The following IPO11 variants were observed in gnomAD, a reference collection of about 807,000 sequenced individuals.
IPO11 encodes the protein importin-11.
Under a neutral mutation model 143.2 loss-of-function variants are expected in IPO11, and 66 were observed. The observed-to-expected ratio is 0.46, with a 90% CI of 0.38 to 0.57. IPO11 has a LOEUF of 0.57. Ranked by LOEUF, IPO11 falls within the 20% of genes least tolerant of loss-of-function variation. The pLI, the probability that IPO11 is intolerant of heterozygous loss-of-function variation, is 0.00. For synonymous variants in IPO11, 385 were observed against 377.8 expected (o/e 1.02, Z -0.22); for missense variants, 1,026 against 1,141.0 (o/e 0.90, Z 1.45).
intron 7 of IPO11, among the ~76,000 whole-genome samples, chr5:62,474,211 G>A (rs750648596): frequency 1.3e-5 from 2 of 152,170 alleles, no homozygotes; most frequent in African/African-American, 2.4e-5. Context: ...ATGAGATATT[G>A]AAGGGATGAA....
chr5:62,422,098 T>G (rs1444707549), intron 1 of IPO11, among the ~76,000 whole-genome samples: 1 of 152,154 alleles, frequency 6.6e-6, no homozygotes, highest in Non-Finnish European at 1.5e-5. Context: ...AGCTTTTCCT[T>G]CCTATTTTTT....
chr5:62,463,307 A>G (rs977127832), intron 5 of IPO11, among the ~76,000 whole-genome samples: 3 of 152,000 alleles, frequency 2.0e-5, no homozygotes, highest in Non-Finnish European at 4.4e-5. Context: ...TAGCCTCCCA[A>G]AGTGCTAGGA....
At position 62,583,784 on chromosome 5, in the gene IPO11, G is replaced by A. The variant is rs1451650659; in HGVS notation, c.2583-7793G>A. ...TTGGGTACAATTTCTGTATTTCATT[G>A]TTTCACATTTTGAGCAGCCCTAAGT... On this transcript the variant is annotated intron_variant, in intron 27 of 29. Coordinates refer to ENST00000325324, the MANE Select transcript of IPO11 (RefSeq NM_016338.5). Among the ~76,000 whole-genome samples the A allele has an allele frequency of 4.6e-5, 7 of 152,042 alleles. No individual in the cohort carries two copies. The East Asian group carries it at 5.8e-4, about 13-fold the overall frequency.
intron 8 of IPO11, among the ~76,000 whole-genome samples, chr5:62,474,725 A>G (rs922132612): frequency 3.9e-5 from 6 of 152,180 alleles, no homozygotes; most frequent in Admixed American, 1.3e-4. Context: ...CTTTTGCCTC[A>G]TATACAGAAG....
intron 16 of IPO11, among the ~76,000 whole-genome samples, chr5:62,495,035 A>G (rs1199983097): frequency 1.3e-5 from 2 of 152,240 alleles, no homozygotes; most frequent in African/African-American, 4.8e-5. Context: ...AGTGTTCACT[A>G]AAGGAAAGCT....
intron 13 of IPO11, among the ~76,000 whole-genome samples, 184 bp from the exon 14 acceptor site, chr5:62,489,118 G>T (rs954862442): frequency 6.6e-6 from 1 of 152,146 alleles, no homozygotes. Context: ...TTTTAATCCT[G>T]TGTTCTCTAA....
chr5:62,529,809 C>G (rs1047844956), intron 21 of IPO11, among the ~76,000 whole-genome samples: 1 of 151,968 alleles, frequency 6.6e-6, no homozygotes, highest in African/African-American at 2.4e-5. Flanking sequence ...CAAAACAGTC[C>G]TTGTTTTGAG....
intron 28 of IPO11, among the ~76,000 whole-genome samples, chr5:62,596,694 G>A (rs1022789654): frequency 1.3e-5 from 2 of 152,146 alleles, no homozygotes; most frequent in African/African-American, 2.4e-5. Flanking sequence ...TCTGACATCT[G>A]TATATTATCT....
At chr5:62,513,054 G>C (rs1741822664) in intron 19 of IPO11, among the ~76,000 whole-genome samples, 1 of 150,224 alleles carries the variant, frequency 6.7e-6, no homozygotes, top group South Asian at 2.1e-4. Flanking sequence ...TTCTATTCCA[G>C]AAAACCGCCA....
chr5:62,530,751 G>A lies in IPO11; in HGVS notation c.2055G>A (p.Leu685=). Residue 685 remains leucine, a synonymous_variant, in exon 22 of 30, where the codon TTG becomes TTA. Transcript: ENST00000325324. The part of the protein sequence containing the change: ...LENSPCITPE[L]LRIFQNMSPL... ...ACAGTCCATGTATTACACCAGAGTTGCTTCGTATATTTCAGAATATGTCAC... is the reference window on the plus strand; with the variant it reads ...ACAGTCCATGTATTACACCAGAGTTACTTCGTATATTTCAGAATATGTCAC... The A allele has an allele frequency of 6.2e-7, 1 of 1,612,946 alleles. No individual in the cohort carries two copies. The highest frequency in any genetic ancestry group is 8.5e-7 in the Non-Finnish European group (1 of 1,179,276).
chr5:62,426,587 A>C (rs1743751472), intron 1 of IPO11, among the ~76,000 whole-genome samples: 1 of 152,148 alleles, frequency 6.6e-6, no homozygotes, highest in South Asian at 2.1e-4. Context: ...AAGAGAAATA[A>C]AGCAAATATC....
chr5:62,581,487 T>A, intron 27 of IPO11: 1 of 547,112 alleles, frequency 1.8e-6, no homozygotes, highest in East Asian at 3.3e-5. Flanking sequence ...TTTTCTTTGA[T>A]ATATACTGTA....
intron 25 of IPO11, 150 bp from the exon 26 acceptor site, chr5:62,551,073 A>C (rs548945072): frequency 2.5e-6 from 1 of 404,890 alleles, no homozygotes; most frequent in East Asian, 3.6e-5. Flanking sequence ...TTAGTAAGTT[A>C]GAACTCAGGC....
intron 15 of IPO11, among the ~76,000 whole-genome samples, chr5:62,492,813 A>G (rs1268496004): frequency 6.6e-6 from 1 of 152,124 alleles, no homozygotes; most frequent in African/African-American, 2.4e-5. Flanking sequence ...CTGGGATTAC[A>G]GGTGTAAGCC....
chr5:62,617,034 T>A (rs1028371469), intron 29 of IPO11, among the ~76,000 whole-genome samples: 6 of 152,198 alleles, frequency 3.9e-5, no homozygotes, highest in Admixed American at 2.6e-4. Flanking sequence ...GTCCTTCACC[T>A]GATACTTGAC....
chr5:62,459,180 C>T (rs567411816), intron 5 of IPO11, among the ~76,000 whole-genome samples: 2 of 151,916 alleles, frequency 1.3e-5, no homozygotes, highest in Non-Finnish European at 2.9e-5. Context: ...TGAAGAGAGG[C>T]GTAAGGCTGT....
intron 16 of IPO11, among the ~76,000 whole-genome samples, chr5:62,497,222 C>G (rs1312144916): frequency 6.6e-6 from 1 of 151,838 alleles, no homozygotes; most frequent in Non-Finnish European, 1.5e-5. Flanking sequence ...TTGGCTGCTC[C>G]GTAGAAAGAG....
At chr5:62,603,409 G>A (rs1439713260) in intron 29 of IPO11, among the ~76,000 whole-genome samples, 1 of 152,108 alleles carries the variant, frequency 6.6e-6, no homozygotes, top group East Asian at 1.9e-4. Flanking sequence ...TGGCGAGCTC[G>A]CTGAAAGCTT....
chr5:62,430,262 C>G (rs190431920), intron 1 of IPO11, among the ~76,000 whole-genome samples: 1 of 152,148 alleles, frequency 6.6e-6, no homozygotes, highest in African/African-American at 2.4e-5. Flanking sequence ...CCAGACTTTT[C>G]CAAAGTCGCT....
Sources: gnomAD v4.1 joint callset for allele counts (sites outside exome capture counted in the v4.1 genomes callset) on GRCh38, gnomAD v4.1.1 for gene constraint, MANE v1.5 for transcripts, NCBI Gene and HGNC (gene_info 2026-07-23, HGNC 2026-07-21) for gene names.